The following ZCWPW2 variants were observed in gnomAD, a reference collection of about 807,000 sequenced individuals.
The protein encoded by ZCWPW2 is zinc finger CW-type and PWWP domain containing 2, also known as zinc finger CW-type PWWP domain protein 2.
ZCWPW2 carries 45 observed loss-of-function variants against 46.6 expected under a neutral mutation model. The observed-to-expected ratio is 0.96, with a 90% CI of 0.76 to 1.24. The LOEUF (loss-of-function observed/expected upper bound fraction) is 1.24. Among genes scored for constraint, ZCWPW2 ranks in the 50% most tolerant of loss-of-function variants. The pLI is 0.00. For synonymous variants in ZCWPW2, 152 were observed against 137.1 expected (o/e 1.11, Z -0.76); for missense variants, 429 against 403.9 (o/e 1.06, Z -0.53).
At chr3:28,472,644 C>T (rs1033963363) in intron 4 of ZCWPW2, among the ~76,000 whole-genome samples, 18 of 152,120 alleles carry the variant, frequency 1.2e-4, no homozygotes, top group African/African-American at 3.9e-4. Flanking sequence ...GGGAAACTCA[C>T]CAGGACATCA....
intron 1 of ZCWPW2, among the ~76,000 whole-genome samples, chr3:28,385,563 C>G (rs1301708048): frequency 6.6e-6 from 1 of 152,134 alleles, no homozygotes; most frequent in Non-Finnish European, 1.5e-5. Context: ...GTAGGATTGA[C>G]CATATCAGTA....
intron 1 of ZCWPW2, among the ~76,000 whole-genome samples, chr3:28,352,535 T>A (rs1380359285): frequency 6.6e-6 from 1 of 152,200 alleles, no homozygotes; most frequent in Non-Finnish European, 1.5e-5. Context: ...CTGTGATGAA[T>A]GAGTAGTTAA....
chr3:28,464,369 A>C (rs912205880), intron 4 of ZCWPW2, among the ~76,000 whole-genome samples: 1 of 152,078 alleles, frequency 6.6e-6, no homozygotes, highest in Non-Finnish European at 1.5e-5. Context: ...CCTTCATGCA[A>C]CCTAAGCAGA....
At chr3:28,522,673 GA>G (rs1312555038) in intron 9 of ZCWPW2, among the ~76,000 whole-genome samples, 1 of 152,042 alleles carries the variant, frequency 6.6e-6, no homozygotes, top group Non-Finnish European at 1.5e-5. Context: ...CTACTTAGTT[GA>G]AAAACATAAC....
chr3:28,497,930 A>C (rs1345717969), intron 6 of ZCWPW2, among the ~76,000 whole-genome samples: 1 of 151,980 alleles, frequency 6.6e-6, no homozygotes, highest in African/African-American at 2.4e-5. Flanking sequence ...AGTCACACTA[A>C]TCTCTCTGAG....
intron 2 of ZCWPW2, chr3:28,398,318 C>T (rs926207874): frequency 6.6e-6 from 1 of 152,186 alleles, no homozygotes; most frequent in African/African-American, 2.4e-5. Flanking sequence ...CTAATTACCT[C>T]CCAAAGTCCC....
At chr3:28,450,272 C>T (rs1698173740) in intron 4 of ZCWPW2, among the ~76,000 whole-genome samples, 1 of 152,114 alleles carries the variant, frequency 6.6e-6, no homozygotes, top group Non-Finnish European at 1.5e-5. Context: ...CTTTTGTTAG[C>T]CTTTCTCTTT....
intron 3 of ZCWPW2, 77 bp downstream of exon 3, chr3:28,413,477 C>A: frequency 1.6e-6 from 2 of 1,253,032 alleles, no homozygotes; most frequent in South Asian, 1.8e-5. Flanking sequence ...TTTTTGAAGA[C>A]TAAACATTTT....
At chr3:28,382,028 G>T (rs796067014) in intron 1 of ZCWPW2, among the ~76,000 whole-genome samples, 13 of 152,058 alleles carry the variant, frequency 8.5e-5, no homozygotes, top group African/African-American at 2.9e-4. Flanking sequence ...TGGGTGTGTT[G>T]GTGCATGCCT....
chr3:28,409,122 CTTTTTTTTTT>C (rs11328735), intron 2 of ZCWPW2, among the ~76,000 whole-genome samples: 1 of 82,326 alleles, frequency 1.2e-5, no homozygotes, highest in Non-Finnish European at 2.2e-5. Context: ...TTTTCTTTTT[CTTTTTTTTTT>C]TTTTTTTTTT....
At chr3:28,366,935 G>T (rs1264481158) in intron 1 of ZCWPW2, among the ~76,000 whole-genome samples, 1 of 152,164 alleles carries the variant, frequency 6.6e-6, no homozygotes, top group Non-Finnish European at 1.5e-5. Flanking sequence ...TTGTGTAGAG[G>T]TGTTTATAGT....
chr3:28,432,713 TAAA>T (rs1350797574), intron 3 of ZCWPW2, among the ~76,000 whole-genome samples: 1 of 152,170 alleles, frequency 6.6e-6, no homozygotes, highest in African/African-American at 2.4e-5. Flanking sequence ...GTTTTTAAAA[TAAA>T]AAGTCAATTT....
In ZCWPW2 at chr3:28,521,091, G is replaced by C. The variant is rs771888043; in HGVS notation, c.884G>C (p.Gly295Ala). The C allele has an allele frequency of 2.5e-6, 4 of 1,605,646 alleles. No individual in the cohort carries two copies. The highest frequency in any genetic ancestry group is 3.4e-6 in the Non-Finnish European group (4 of 1,177,898). Residue 295 changes from glycine to alanine, a missense_variant, in exon 9 of 10, where the codon GGA becomes GCA. By Grantham distance (60) the Gly-to-Ala change is moderately conservative. Coordinates refer to ENST00000383768, the MANE Select transcript of ZCWPW2 (RefSeq NM_001040432.4). ...CCTGATGAATCAGAAGAAGGACATGGAGAGGAAATAAATATGGGAGAAAAG... is the reference window on the plus strand; with the variant it reads ...CCTGATGAATCAGAAGAAGGACATGCAGAGGAAATAAATATGGGAGAAAAG... ...ATPDESEEGH[G>A]EEINMGEKLS...
chr3:28,478,605 A>G (rs1699314556), intron 4 of ZCWPW2, among the ~76,000 whole-genome samples: 1 of 152,126 alleles, frequency 6.6e-6, no homozygotes, highest in African/African-American at 2.4e-5. Flanking sequence ...TAGTGAACCA[A>G]ACATCTGACC....
At chr3:28,518,131 G>A (rs1277903754) in intron 8 of ZCWPW2, among the ~76,000 whole-genome samples, 2 of 84,820 alleles carry the variant, frequency 2.4e-5, no homozygotes, top group Admixed American at 1.6e-4. Context: ...GTGAGACTCC[G>A]TCTCAAAAAA....
At position 28,391,309 on chromosome 3, in the gene ZCWPW2, A is replaced by G. The variant is rs149484459; in HGVS notation, c.-14+692A>G. Among the ~76,000 whole-genome samples the G allele has an allele frequency of 2.7e-5, 4 of 148,454 alleles. No homozygotes were observed. In the East Asian group the frequency reaches 7.9e-4, roughly 29 times the overall value. On this transcript the variant is annotated intron_variant, in intron 2 of 9. Coordinates refer to ENST00000383768, the MANE Select transcript of ZCWPW2 (RefSeq NM_001040432.4). ...GGCAGTCATGCCAGCAATATGGAGCACTACATGATTCCAGCCTTCAGTTCC... is the reference window on the plus strand; with the variant it reads ...GGCAGTCATGCCAGCAATATGGAGCGCTACATGATTCCAGCCTTCAGTTCC...
intron 3 of ZCWPW2, chr3:28,428,261 C>T (rs1697102313): frequency 6.6e-6 from 1 of 152,238 alleles, no homozygotes; most frequent in African/African-American, 2.4e-5. Flanking sequence ...ACTTAGAGTT[C>T]TTTTAACGTA....
chr3:28,369,839 C>T lies in ZCWPW2; in HGVS notation c.-134+20636C>T, dbSNP rs910329146. Reference sequence around the variant, plus strand: ...GCTTCCTGGCTGCTTTGTTTACCTACTCAAGCCTCAGCAATGGTGGGGGCC... The same window carrying T: ...GCTTCCTGGCTGCTTTGTTTACCTATTCAAGCCTCAGCAATGGTGGGGGCC... On this transcript the variant is annotated intron_variant, in intron 1 of 9. Coordinates refer to ENST00000383768, the MANE Select transcript of ZCWPW2 (RefSeq NM_001040432.4). Among the ~76,000 whole-genome samples, 5 of 152,302 alleles carry T rather than the reference C, an allele frequency of 3.3e-5. No homozygotes were observed. The East Asian group carries it at 7.7e-4, about 24-fold the overall frequency.
In ZCWPW2 at chr3:28,350,875, C is replaced by T. The variant is rs953328758; in HGVS notation, c.-134+1672C>T. Among the ~76,000 whole-genome samples, 108 of 151,834 alleles carry T rather than the reference C, an allele frequency of 7.1e-4. 1 individual carries two copies. Among genetic ancestry groups the T allele is most frequent in the Non-Finnish European group, 4.6e-4 (31 of 67,984 alleles). On this transcript the variant is annotated intron_variant, in intron 1 of 9. Coordinates refer to ENST00000383768, the MANE Select transcript of ZCWPW2 (RefSeq NM_001040432.4). ...CTAAGAAAGAAAAGAATTTAGGGGT[C>T]CTGAATGATAATCTTAACTGATAGC...
Sources: allele counts gnomAD v4.1 joint callset (sites outside exome capture counted in the v4.1 genomes callset), GRCh38; gene constraint gnomAD v4.1.1; transcripts MANE v1.5; gene names NCBI Gene and HGNC (gene_info 2026-07-23, HGNC 2026-07-21).